The following TRIP11 variants were observed in gnomAD, a reference collection of about 807,000 sequenced individuals.
TRIP11 encodes thyroid hormone receptor interactor 11.
A neutral mutation model predicts 223.1 loss-of-function variants in TRIP11; 148 were observed. The observed-to-expected ratio is 0.66, with a 90% confidence interval of 0.58 to 0.76. TRIP11 has a LOEUF of 0.76. TRIP11 is among the 30% of genes least tolerant of loss of function. The pLI, the probability that TRIP11 is intolerant of heterozygous loss-of-function variation, is 0.00. For synonymous variants in TRIP11, 762 were observed against 772.6 expected (o/e 0.99, Z 0.23); for missense variants, 2,043 against 2,222.0 (o/e 0.92, Z 1.62).
rs560817356 is a variant in TRIP11, at chr14:91,967,855, G to A, written c.*1818C>T. On this transcript the variant is annotated 3_prime_UTR_variant, in exon 21 of 21. Coordinates refer to ENST00000267622, the MANE Select transcript of TRIP11 (RefSeq NM_004239.4). Reference sequence around the variant, plus strand: ...TTTGTTAGGAGCATATAAAAACCAAGGAGTAACAACTCACAGAGAAATAAT... The same window carrying A: ...TTTGTTAGGAGCATATAAAAACCAAAGAGTAACAACTCACAGAGAAATAAT... 2.5e-5 allele frequency: 5 copies of A among 199,060 alleles called. No individual in the cohort carries two copies. In the East Asian group the frequency reaches 3.9e-4, roughly 16 times the overall value. The allele number at this position is 199,060 out of a possible 1,614,324, so 12.3% of individuals were successfully genotyped here.
At chr14:91,983,664 T>C (rs1269931205) in intron 16 of TRIP11, among the ~76,000 whole-genome samples, 1 of 152,226 alleles carries the variant, frequency 6.6e-6, no homozygotes, top group Non-Finnish European at 1.5e-5. Context: ...AAATAATTTT[T>C]TAACCATTTA....
chr14:92,017,655 C>A (rs368775073), intron 5 of TRIP11, 27 bp downstream of exon 5: 7 of 1,552,622 alleles, frequency 4.5e-6, no homozygotes, highest in African/African-American at 1.4e-5. Context: ...TGTATAACTC[C>A]CATCATCAAT....
chr14:91,993,723 T>G (rs2056711089), intron 15 of TRIP11, 86 bp downstream of exon 15: 2 of 1,099,700 alleles, frequency 1.8e-6, no homozygotes, highest in Non-Finnish European at 2.7e-6. Context: ...AATGAACAGT[T>G]TAGGAGATTA....
At chr14:91,974,796 AAAC>A (rs1287679480) in intron 18 of TRIP11, 53 bp from the exon 19 acceptor site, 11 of 1,363,856 alleles carry the variant, frequency 8.1e-6, no homozygotes, top group East Asian at 4.9e-5. Context: ...AAAAAAAAAA[AAAC>A]AAGGACCACT....
chr14:92,033,204 G>A lies in TRIP11; in HGVS notation c.189C>T (p.Ile63=), dbSNP rs1259469955. The change falls in exon 2 of 21, where the codon ATC becomes ATT. Residue 63 remains isoleucine, a synonymous_variant. Transcript: ENST00000267622. ...RTKEIEAIHA[I]LRSENERLKK... ...TGATTTTTCTTACCTCTGATCTCAAGATTGCATGAATGGCTTCAATTTCCT... is the reference window on the plus strand; with the variant it reads ...TGATTTTTCTTACCTCTGATCTCAAAATTGCATGAATGGCTTCAATTTCCT... 6.2e-7 allele frequency: 1 copy of A among 1,613,116 alleles called. No individual in the cohort carries two copies. The highest frequency in any genetic ancestry group is 1.3e-5 in the African/African-American group (1 of 75,032).
chr14:92,038,737 A>G (rs1379317259), intron 1 of TRIP11, among the ~76,000 whole-genome samples: 1 of 152,220 alleles, frequency 6.6e-6, no homozygotes, highest in Admixed American at 6.5e-5. Context: ...ATCTCCCTGG[A>G]GCAGACTTAG....
intron 11 of TRIP11, among the ~76,000 whole-genome samples, chr14:92,001,398 C>T (rs1160329729): frequency 6.9e-6 from 1 of 144,344 alleles, no homozygotes; most frequent in Non-Finnish European, 1.5e-5. Flanking sequence ...TTTCACACTA[C>T]AAAGAAAGAG....
chr14:92,019,192 G>A (rs1160614339), intron 4 of TRIP11, among the ~76,000 whole-genome samples: 2 of 152,062 alleles, frequency 1.3e-5, no homozygotes, highest in East Asian at 1.9e-4. Context: ...GGTCTGTCAT[G>A]GAGTAGGCAT....
intron 15 of TRIP11, 131 bp downstream of exon 15, chr14:91,993,678 A>C (rs916824130): frequency 2.8e-6 from 2 of 726,130 alleles, no homozygotes; most frequent in Admixed American, 4.6e-5. Flanking sequence ...GTCAGGCTAC[A>C]GCAGAGGGCT....
chr14:92,020,901 C>T (rs1315353595), intron 4 of TRIP11, among the ~76,000 whole-genome samples: 1 of 151,242 alleles, frequency 6.6e-6, no homozygotes, highest in African/African-American at 2.4e-5. Flanking sequence ...GAAACCCCAT[C>T]TCTACTAAAA....
At chr14:91,980,183 T>C (rs1247667170) in intron 16 of TRIP11, among the ~76,000 whole-genome samples, 2 of 152,228 alleles carry the variant, frequency 1.3e-5, no homozygotes, top group African/African-American at 4.8e-5. Flanking sequence ...TAAAATGTAA[T>C]TGATTGCAAC....
chr14:91,980,656 T>C (rs904030758), intron 16 of TRIP11, among the ~76,000 whole-genome samples: 1 of 152,170 alleles, frequency 6.6e-6, no homozygotes, highest in Non-Finnish European at 1.5e-5. Context: ...TATTACTCTG[T>C]TTAATGTTAA....
chr14:92,015,646 A>G, intron 6 of TRIP11, 50 bp downstream of exon 6: 1 of 1,470,442 alleles, frequency 6.8e-7, no homozygotes, highest in Non-Finnish European at 9.2e-7. Context: ...CAACAGATGG[A>G]GACTCCATCT....
At chr14:92,038,144 C>G (rs1416402276) in intron 1 of TRIP11, among the ~76,000 whole-genome samples, 1 of 152,004 alleles carries the variant, frequency 6.6e-6, no homozygotes, top group Non-Finnish European at 1.5e-5. Context: ...AACAAGGACA[C>G]GAAGATTTAC....
At chr14:92,017,464 C>T (rs913108183) in intron 5 of TRIP11, among the ~76,000 whole-genome samples, 3 of 152,114 alleles carry the variant, frequency 2.0e-5, no homozygotes, top group Non-Finnish European at 4.4e-5. Context: ...AGGAGGATCA[C>T]CTGAACCCAG....
chr14:92,039,787 G>A lies in TRIP11; in HGVS notation c.-102C>T. The A allele has an allele frequency of 6.5e-7, 1 of 1,549,726 alleles. No homozygotes were observed. The highest frequency in any genetic ancestry group is 8.7e-7 in the Non-Finnish European group (1 of 1,146,740). On this transcript the variant is annotated 5_prime_UTR_variant, in exon 1 of 21. Coordinates refer to ENST00000267622, the MANE Select transcript of TRIP11 (RefSeq NM_004239.4). ...TATCCTTGAACGCCTGCCTTCGCGA[G>A]ACAGGATACGATAACACAAAGCTGG...
At chr14:92,033,842 G>A (rs2057294987) in intron 1 of TRIP11, among the ~76,000 whole-genome samples, 2 of 152,116 alleles carry the variant, frequency 1.3e-5, no homozygotes, top group Non-Finnish European at 2.9e-5. Flanking sequence ...ATCTGGGAGG[G>A]AGAGTTGTGT....
intron 2 of TRIP11, among the ~76,000 whole-genome samples, chr14:92,029,511 G>C (rs2057236133): frequency 6.6e-6 from 1 of 151,870 alleles, no homozygotes. Context: ...GGTCAGGCTG[G>C]TCTCGAACTC....
At chr14:91,999,155 T>G in intron 13 of TRIP11, 85 bp downstream of exon 13, 441 of 1,413,420 alleles carry the variant, frequency 3.1e-4, no homozygotes, top group East Asian at 3.5e-4. Flanking sequence ...TTTGCAAGGA[T>G]GAGCTAACAT....
Sources: gnomAD v4.1 joint callset for allele counts (sites outside exome capture counted in the v4.1 genomes callset) on GRCh38, gnomAD v4.1.1 for gene constraint, MANE v1.5 for transcripts, NCBI Gene and HGNC (gene_info 2026-07-23, HGNC 2026-07-21) for gene names.